GLYATL3: variants seen among roughly 807,000 people sequenced by gnomAD.
GLYATL3 encodes glycine-N-acyltransferase like 3.
A neutral mutation model predicts 28.5 loss-of-function variants in GLYATL3; 31 were observed. The observed-to-expected ratio is 1.09, with a 90% confidence interval of 0.82 to 1.47. GLYATL3 has a LOEUF of 1.47. Ranked by LOEUF, GLYATL3 falls within the 40% of genes most tolerant of loss-of-function variation. The pLI is 0.00. For missense variants in GLYATL3, 369 were observed against 351.5 expected, an observed-to-expected ratio of 1.05 and a Z score of -0.40; for synonymous variants, 141 against 140.2, an observed-to-expected ratio of 1.01 and a Z score of -0.04.
chr6:49,520,536 T>G (rs1204295441), intron 4 of GLYATL3, among the ~76,000 whole-genome samples: 5 of 152,116 alleles, frequency 3.3e-5, no homozygotes, highest in African/African-American at 4.8e-5. Context: ...CATGCATTCT[T>G]CAAGAAGTCC....
intron 1 of GLYATL3, among the ~76,000 whole-genome samples, chr6:49,505,830 A>G (rs551100352): frequency 3.3e-5 from 5 of 152,324 alleles, no homozygotes; most frequent in African/African-American, 1.2e-4. Flanking sequence ...ATTCAACTAG[A>G]GAATTATTTT....
Position 49,521,754 on chromosome 6 carries a change from G to A in GLYATL3, c.423G>A (p.Leu141=), listed in dbSNP as rs574748072. Residue 141 remains leucine (L), a synonymous_variant, in exon 5 of 6, where the codon CTG becomes CTA. Transcript: ENST00000371197. Reference sequence around the variant, plus strand: ...TTCATTTTTCTCCTGTTTCATCTCTGCCAGATACCAGTTTCCTGTATGTAA... The same window carrying A: ...TTCATTTTTCTCCTGTTTCATCTCTACCAGATACCAGTTTCCTGTATGTAA... ...KAVHFSPVSS[L]PDTSFLKGPS... 9 of 1,551,226 alleles carry A rather than the reference G, an allele frequency of 5.8e-6. No homozygotes were observed. Among genetic ancestry groups the A allele is most frequent in the Admixed American group, 2.0e-5 (1 of 50,944 alleles).
At chr6:49,524,523 TTTTC>T (rs1252499541) in intron 5 of GLYATL3, among the ~76,000 whole-genome samples, 1 of 152,160 alleles carries the variant, frequency 6.6e-6, no homozygotes, top group Non-Finnish European at 1.5e-5. Flanking sequence ...CAGCAATTCT[TTTTC>T]TTTATCTTAA....
rs568542298 is a variant in GLYATL3, at chr6:49,515,674, A to C, written c.100A>C (p.Ile34Leu). 2.6e-6 allele frequency: 4 copies of C among 1,550,348 alleles called. No individual in the cohort carries two copies. The East Asian group carries it at 7.3e-5, about 28-fold the overall frequency. ...SLKVYGAVMNINRGNPFQKEV... is the reference protein window; with the variant it reads ...SLKVYGAVMNLNRGNPFQKEV... The stretch of plus-strand genomic sequence containing the variant: ...TCAGGTTTACGGAGCGGTGATGAAC[A>C]TAAATCGTGGGAACCCCTTTCAAAA... Residue 34 changes from isoleucine to leucine, a missense_variant, in exon 3 of 6, where the codon ATA becomes CTA. Physicochemically the swap from Ile to Leu is conservative, Grantham distance 5 (BLOSUM62 2). Transcript: ENST00000371197.
chr6:49,518,972 C>T (rs1209896836), intron 4 of GLYATL3, among the ~76,000 whole-genome samples: 2 of 151,988 alleles, frequency 1.3e-5, no homozygotes, highest in East Asian at 1.9e-4. Context: ...TTCGTAAATG[C>T]GCAAAAAGAC....
At position 49,512,032 on chromosome 6, in the gene GLYATL3, G is replaced by A. The variant is rs1057138792; in HGVS notation, c.42G>A (p.Glu14=). The A allele has an allele frequency of 6.0e-6, 9 of 1,498,502 alleles. No individual in the cohort carries two copies. The Admixed American group carries it at 1.8e-4, about 30-fold the overall frequency. The allele number at this position is 1,498,502 out of a possible 1,614,324, so 92.8% of individuals were successfully genotyped here. The change falls in exon 2 of 6, where the codon GAG becomes GAA. Residue 14 remains glutamate (E), a synonymous_variant. Coordinates refer to ENST00000371197, the MANE Select transcript of GLYATL3 (RefSeq NM_001010904.2). ...GTTCTACCAAATTACTGATACTGGA[G>A]AAAATGTTGAAGAGTTGCTTTCCTG... The part of the protein sequence containing the change: ...LNCSTKLLIL[E]KMLKSCFPES...
At chr6:49,514,918 T>A (rs143478397) in intron 2 of GLYATL3, among the ~76,000 whole-genome samples, 168 of 151,704 alleles carry the variant, frequency 1.1e-3, no homozygotes, top group African/African-American at 3.6e-3. Flanking sequence ...ATAATAATAA[T>A]AAAAGAAGGG....
intron 1 of GLYATL3, among the ~76,000 whole-genome samples, chr6:49,507,670 T>C (rs1466250793): frequency 3.3e-5 from 5 of 152,194 alleles, no homozygotes; most frequent in Non-Finnish European, 7.4e-5. Flanking sequence ...GAAGGCCACC[T>C]TGGGCGCCAG....
chr6:49,521,853 C>A, intron 5 of GLYATL3, 82 bp downstream of exon 5: 3 of 1,241,778 alleles, frequency 2.4e-6, no homozygotes, highest in Non-Finnish European at 3.4e-6. Context: ...TACTTAGTAT[C>A]ACTATGGAAT....
chr6:49,506,766 A>G (rs1283882888), intron 1 of GLYATL3, among the ~76,000 whole-genome samples: 1 of 152,104 alleles, frequency 6.6e-6, no homozygotes, highest in African/African-American at 2.4e-5. Context: ...AAAGCCTCCA[A>G]TTTGTGTTTG....
Position 49,509,833 on chromosome 6 carries a change from C to CT in GLYATL3, c.-28-2127dup, listed in dbSNP as rs573366696. ...ATAGGATTATGTTCCATGCTCCATACTTTGCATATTAACCTCACTTTTGAC... is the reference window on the plus strand; with the variant it reads ...ATAGGATTATGTTCCATGCTCCATACTTTTGCATATTAACCTCACTTTTGAC... On this transcript the variant is annotated intron_variant, in intron 1 of 5. Coordinates refer to ENST00000371197, the MANE Select transcript of GLYATL3 (RefSeq NM_001010904.2). Among the ~76,000 whole-genome samples the CT allele has an allele frequency of 7.2e-3, 1,095 of 152,268 alleles. 15 individuals are homozygous for CT. The highest frequency in any genetic ancestry group is 0.025 in the African/African-American group (1,033 of 41,544).
intron 4 of GLYATL3, 87 bp downstream of exon 4, chr6:49,517,643 TGAAAA>T: frequency 1.1e-6 from 1 of 948,656 alleles, no homozygotes; most frequent in Non-Finnish European, 1.5e-6. Context: ...TTCATATATA[TGAAAA>T]TATATAGATT....
Position 49,521,633 on chromosome 6 carries a change from T to C in GLYATL3, c.314-12T>C. 1 of 1,538,272 alleles carries C rather than the reference T, an allele frequency of 6.5e-7. No homozygotes were observed. The highest frequency in any genetic ancestry group is 8.8e-7 in the Non-Finnish European group (1 of 1,141,808). On this transcript the variant is annotated splice_polypyrimidine_tract_variant and intron_variant, in intron 4 of 5. Coordinates refer to ENST00000371197, the MANE Select transcript of GLYATL3 (RefSeq NM_001010904.2). ...AATGCCCACATATTAAATTATGTCTTTCTATACACAGGGCTGCAGAGTGAG... is the reference window on the plus strand; with the variant it reads ...AATGCCCACATATTAAATTATGTCTCTCTATACACAGGGCTGCAGAGTGAG...
intron 2 of GLYATL3, among the ~76,000 whole-genome samples, chr6:49,514,682 T>G (rs1429473644): frequency 6.6e-6 from 1 of 152,070 alleles, no homozygotes; most frequent in African/African-American, 2.4e-5. Context: ...AAAATTTTTT[T>G]AATTATCCAG....
intron 1 of GLYATL3, among the ~76,000 whole-genome samples, chr6:49,502,952 A>T (rs1190546807): frequency 6.6e-6 from 1 of 152,232 alleles, no homozygotes; most frequent in Non-Finnish European, 1.5e-5. Context: ...CAATCCAAGC[A>T]TACAAGTAAC....
intron 1 of GLYATL3, among the ~76,000 whole-genome samples, chr6:49,510,242 A>C (rs952709549): frequency 2.0e-5 from 3 of 151,908 alleles, no homozygotes; most frequent in African/African-American, 7.2e-5. Flanking sequence ...GGGTTTCTCC[A>C]TGTTGGTCAG....
At chr6:49,523,063 C>T (rs2127239648) in intron 5 of GLYATL3, among the ~76,000 whole-genome samples, 1 of 151,952 alleles carries the variant, frequency 6.6e-6, no homozygotes, top group Middle Eastern at 3.5e-3. Context: ...TTCTATGGTT[C>T]ACTATATTGA....
intron 5 of GLYATL3, among the ~76,000 whole-genome samples, chr6:49,523,593 A>G (rs1360745182): frequency 6.6e-6 from 1 of 152,170 alleles, no homozygotes; most frequent in Non-Finnish European, 1.5e-5. Flanking sequence ...TCAACCTTGC[A>G]ATTCGGCCTT....
Position 49,515,750 on chromosome 6 carries a change from G to C in GLYATL3, c.176G>C (p.Arg59Pro). Reference protein sequence around the residue: ...WPDFKAVITRRQREAETDNLD... With the variant: ...WPDFKAVITRPQREAETDNLD... ...GATTTCAAAGCTGTTATCACCCGAC[G>C]ACAAAGAGAGGTACAGTTTTGAAAG... The change falls in exon 3 of 6, where the codon CGA becomes CCA. Residue 59 changes from arginine (R) to proline (P), a missense_variant. Transcript: ENST00000371197. 1 of 1,536,870 alleles carries C rather than the reference G, an allele frequency of 6.5e-7. No individual in the cohort carries two copies. The highest frequency in any genetic ancestry group is 8.8e-7 in the Non-Finnish European group (1 of 1,133,252).
Sources: gnomAD v4.1 joint callset for allele counts (sites outside exome capture counted in the v4.1 genomes callset) on GRCh38, gnomAD v4.1.1 for gene constraint, MANE v1.5 for transcripts, NCBI Gene and HGNC (gene_info 2026-07-23, HGNC 2026-07-21) for gene names.